CFI: variants seen among roughly 807,000 people sequenced by gnomAD.
The protein encoded by CFI is C3B/C4B inactivator.
CFI carries 66 observed loss-of-function variants against 78.8 expected under a neutral mutation model. The ratio of observed to expected loss-of-function variants is 0.84; its 90% CI spans 0.69 to 1.03. The LOEUF (loss-of-function observed/expected upper bound fraction) is 1.03. Ranked by LOEUF, CFI falls within the 50% of genes least tolerant of loss-of-function variation. The pLI, the probability that CFI is intolerant of heterozygous loss-of-function variation, is 0.00. For synonymous variants in CFI, 250 were observed against 232.6 expected (o/e 1.07, Z -0.68); for missense variants, 706 against 704.5 (o/e 1.00, Z -0.02).
At chr4:109,775,098 C>A (rs538176242) in intron 1 of CFI, among the ~76,000 whole-genome samples, 1 of 152,048 alleles carries the variant, frequency 6.6e-6, no homozygotes, top group Non-Finnish European at 1.5e-5. Context: ...CCAGTGTGAG[C>A]GACGCAGAAG....
chr4:109,781,193 A>G (rs866910762), intron 1 of CFI, among the ~76,000 whole-genome samples: 56 of 152,308 alleles, frequency 3.7e-4, no homozygotes, highest in Middle Eastern at 3.4e-3. Flanking sequence ...GAAATTGGAA[A>G]AAAAAGTTAA....
intron 12 of CFI, 81 bp downstream of exon 12, chr4:109,742,410 G>C: frequency 1.1e-6 from 1 of 934,056 alleles, no homozygotes; most frequent in Non-Finnish European, 1.8e-6. Flanking sequence ...CCAAAGCATG[G>C]GGGCTGATGT....
In CFI at chr4:109,742,528, G is replaced by A. The variant is rs1038203976; in HGVS notation, c.1497C>T (p.Tyr499=). 14 of 1,613,394 alleles carry A rather than the reference G, an allele frequency of 8.7e-6. No individual in the cohort carries two copies. In the East Asian group the frequency reaches 1.1e-4, roughly 13 times the overall value. ...TTTCTTTTTCATAGAAACGATTTCC[G>A]TAAAACTTAGAGCAGTTGCTTATTA... ...VKLISNCSKF[Y]GNRFYEKEME... is the part of the protein sequence containing the mutation. The change falls in exon 12 of 13, where the codon TAC becomes TAT. Residue 499 remains tyrosine (Y), a synonymous_variant. Coordinates refer to ENST00000394634, the MANE Select transcript of CFI (RefSeq NM_000204.5).
At chr4:109,732,904 A>T in the CFI span, among the ~76,000 whole-genome samples, 1 of 152,284 alleles carries the variant, frequency 6.6e-6, no homozygotes, top group African/African-American at 2.4e-5. Context: ...AGAGCATTAA[A>T]ATAAGTACAG....
chr4:109,731,369 A>G, the CFI span, among the ~76,000 whole-genome samples: 2 of 152,126 alleles, frequency 1.3e-5, no homozygotes, highest in African/African-American at 4.8e-5. Context: ...GTGAGTAAGT[A>G]TTGGGCATAG....
intron 1 of CFI, among the ~76,000 whole-genome samples, chr4:109,797,047 A>AT (rs1001058827): frequency 5.9e-5 from 9 of 152,330 alleles, no homozygotes; most frequent in African/African-American, 1.9e-4. Context: ...TTGCAAAGGC[A>AT]TTTTTTTACA....
Position 109,740,809 on chromosome 4 carries a change from G to C in CFI, c.*84C>G. The C allele has an allele frequency of 7.8e-7, 1 of 1,290,300 alleles. No homozygotes were observed. The highest frequency in any genetic ancestry group is 2.3e-5 in the East Asian group (1 of 43,058). 79.9% of individuals were successfully genotyped at this position (1,290,300 alleles called of 1,614,324 possible). ...AGATTTGCTTCATTTTTCCCCCCTA[G>C]AGAATTATTAATTATACCGTTTTAT... is the stretch of plus-strand genomic sequence containing the variant. On this transcript the variant is annotated 3_prime_UTR_variant, in exon 13 of 13. Coordinates refer to ENST00000394634, the MANE Select transcript of CFI (RefSeq NM_000204.5).
chr4:109,761,997 C>T (rs1727133908), intron 3 of CFI: 15 of 346,950 alleles, frequency 4.3e-5, no homozygotes, highest in South Asian at 3.9e-4. Context: ...CGAGACCAGC[C>T]TGGCCAATAT....
At chr4:109,793,164 C>A (rs1731594369) in intron 1 of CFI, among the ~76,000 whole-genome samples, 1 of 152,124 alleles carries the variant, frequency 6.6e-6, no homozygotes, top group African/African-American at 2.4e-5. Flanking sequence ...ATGGAGATTA[C>A]AATTAATAGT....
At chr4:109,795,127 T>C (rs2125870998) in intron 1 of CFI, among the ~76,000 whole-genome samples, 1 of 152,290 alleles carries the variant, frequency 6.6e-6, no homozygotes, top group Non-Finnish European at 1.5e-5. Context: ...CTGAAAGAGA[T>C]TCCTTTGGAT....
In CFI at chr4:109,749,580, T is replaced by C. The variant is rs1724894566; in HGVS notation, c.963A>G (p.Leu321=). 3 of 1,606,408 alleles carry C rather than the reference T, an allele frequency of 1.9e-6. No homozygotes were observed. The highest frequency in any genetic ancestry group is 2.6e-6 in the Non-Finnish European group (3 of 1,173,022). ...MDAERRRIKS[L]LPKLSCGVKN... is the part of the protein sequence containing the mutation. ...TAACTCCACAAGATAGTTTAGGTAA[T>C]AATGATTTTATCCGTCTTCTTTCTT... The change falls in exon 9 of 13, where the codon TTA becomes TTG. Residue 321 remains leucine, a synonymous_variant. Transcript: ENST00000394634.
chr4:109,776,751 C>T (rs1222406630), intron 1 of CFI, among the ~76,000 whole-genome samples: 2 of 152,156 alleles, frequency 1.3e-5, no homozygotes, highest in African/African-American at 4.8e-5. Flanking sequence ...AAAGGGAAGC[C>T]CATCAGACTA....
chr4:109,742,817 T>C (rs2126181068), intron 11 of CFI, among the ~76,000 whole-genome samples: 1 of 152,328 alleles, frequency 6.6e-6, no homozygotes, highest in Non-Finnish European at 1.5e-5. Flanking sequence ...TGAAGTCACA[T>C]TCATTTAATA....
At chr4:109,750,451 G>C (rs991469113) in intron 8 of CFI, among the ~76,000 whole-genome samples, 4 of 152,080 alleles carry the variant, frequency 2.6e-5, no homozygotes, top group Non-Finnish European at 5.9e-5. Context: ...TTAACCCTGA[G>C]AGATGATGTG....
At chr4:109,755,479 C>A (rs376543233) in intron 7 of CFI, among the ~76,000 whole-genome samples, 26 of 152,128 alleles carry the variant, frequency 1.7e-4, no homozygotes, top group African/African-American at 5.8e-4. Context: ...GGAAGTGGGG[C>A]CTAATAAGAA....
chr4:109,786,052 C>CA (rs1292532323), intron 1 of CFI, among the ~76,000 whole-genome samples: 3 of 150,618 alleles, frequency 2.0e-5, no homozygotes, highest in Non-Finnish European at 4.4e-5. Flanking sequence ...AAAAAAAAAA[C>CA]AAAAAAAACC....
chr4:109,800,332 T>G (rs1013195738), intron 1 of CFI, among the ~76,000 whole-genome samples: 5 of 134,454 alleles, frequency 3.7e-5, no homozygotes, highest in African/African-American at 8.7e-5. Context: ...TTTTTTTTTT[T>G]TTTTTTTTTT....
At position 109,801,775 on chromosome 4, in the gene CFI, T is replaced by C. The variant is rs549449050; in HGVS notation, c.57+140A>G. 399 of 589,388 alleles carry C rather than the reference T, an allele frequency of 6.8e-4. 1 individual carries two copies. Among genetic ancestry groups the C allele is most frequent in the Admixed American group, 1.2e-3 (39 of 31,406 alleles). 36.5% of individuals were successfully genotyped at this position (589,388 alleles called of 1,614,324 possible). A position where few individuals can be genotyped will look rare whatever the true frequency, so the allele number is the denominator to read the frequency against. ...TCAAGATATTAACATAAAACATTTG[T>C]TGCTGACTATAGAGTGGCATTGTTG... On this transcript the variant is annotated intron_variant, in intron 1 of 12. Coordinates refer to ENST00000394634, the MANE Select transcript of CFI (RefSeq NM_000204.5).
chr4:109,788,169 T>C (rs1730979320), intron 1 of CFI, among the ~76,000 whole-genome samples: 3 of 152,158 alleles, frequency 2.0e-5, no homozygotes, highest in African/African-American at 7.2e-5. Flanking sequence ...TAAATAATGC[T>C]ATGATGAATC....
Sources: gnomAD v4.1 joint callset for allele counts (sites outside exome capture counted in the v4.1 genomes callset) on GRCh38, gnomAD v4.1.1 for gene constraint, MANE v1.5 for transcripts, NCBI Gene and HGNC (gene_info 2026-07-23, HGNC 2026-07-21) for gene names.